The following SERPIND1 variants were observed in gnomAD, a reference collection of about 807,000 sequenced individuals.
SERPIND1 encodes the protein serpin family D member 1, also known as heparin cofactor 2.
SERPIND1 carries 34 observed loss-of-function variants against 35.0 expected under a neutral mutation model. The ratio of observed to expected loss-of-function variants is 0.97; its 90% confidence interval spans 0.74 to 1.29. The LOEUF (loss-of-function observed/expected upper bound fraction) is 1.29, where lower values mean the gene tolerates loss of function less well. Ranked by LOEUF, SERPIND1 falls within the 50% of genes most tolerant of loss-of-function variation. The probability of loss-of-function intolerance (pLI) is 0.00; values close to 1 mark genes in which losing one functional copy is unlikely to be tolerated. For missense variants in SERPIND1, 633 were observed against 637.7 expected (o/e 0.99, Z 0.08); for synonymous variants, 236 against 241.1 (o/e 0.98, Z 0.19).
At position 20,779,435 on chromosome 22, in the gene SERPIND1, G is replaced by C; in HGVS notation, c.123G>C (p.Gln41His). 6.2e-7 allele frequency: 1 copy of C among 1,614,232 alleles called. No individual in the cohort carries two copies. The highest frequency in any genetic ancestry group is 8.5e-7 in the Non-Finnish European group (1 of 1,180,030). ...AAACTGCTCAGTCTGCAGATCCCCA[G>C]TGGGAGCAGTTAAATAACAAAAACC... Reference protein sequence around the residue: ...GGETAQSADPQWEQLNNKNLS... With the variant: ...GGETAQSADPHWEQLNNKNLS... Residue 41 changes from glutamine to histidine, a missense_variant, in exon 2 of 5, where the codon CAG (glutamine) becomes CAC (histidine). Coordinates refer to ENST00000215727, the MANE Select transcript of SERPIND1 (RefSeq NM_000185.4).
Position 20,779,686 on chromosome 22 carries a change from G to T in SERPIND1, c.374G>T (p.Arg125Leu), listed in dbSNP as rs764489942. 4 of 1,614,218 alleles carry T rather than the reference G, an allele frequency of 2.5e-6. No homozygotes were observed. Among genetic ancestry groups the T allele is most frequent in the Non-Finnish European group, 3.4e-6 (4 of 1,180,020 alleles). ...TTTCATGGCAAGAGCCGGATCCAGC[G>T]TCTTAACATCCTCAACGCCAAGTTC... ...QLFHGKSRIQRLNILNAKFAF... is the reference protein window; with the variant it reads ...QLFHGKSRIQLLNILNAKFAF... The change falls in exon 2 of 5, where the codon CGT becomes CTT. Residue 125 changes from arginine (R) to leucine (L), a missense_variant. Physicochemically the swap from Arg to Leu is moderately radical, Grantham distance 102 (BLOSUM62 -2). Transcript: ENST00000215727.
At chr22:20,777,282 T>C (rs1037853841) in intron 1 of SERPIND1, among the ~76,000 whole-genome samples, 4 of 151,950 alleles carry the variant, frequency 2.6e-5, no homozygotes, top group African/African-American at 9.6e-5. Context: ...AATGGTGCGA[T>C]CTTGGCTCAC....
At chr22:20,777,183 C>G (rs964771326) in intron 1 of SERPIND1, among the ~76,000 whole-genome samples, 1 of 151,578 alleles carries the variant, frequency 6.6e-6, no homozygotes, top group African/African-American at 2.4e-5. Flanking sequence ...GGACCACAGG[C>G]GTGTGCCATC....
intron 1 of SERPIND1, chr22:20,779,094 T>A: frequency 8.2e-7 from 1 of 1,217,144 alleles, no homozygotes; most frequent in Non-Finnish European, 1.1e-6. Context: ...AGATCCTTCA[T>A]TGAGGTTTAT....
intron 3 of SERPIND1, 39 bp from the exon 4 acceptor site, chr22:20,785,965 G>T: frequency 1.9e-6 from 3 of 1,613,974 alleles, no homozygotes; most frequent in Non-Finnish European, 2.5e-6. Flanking sequence ...GTAACTTGTG[G>T]TTCAATAAAA....
chr22:20,779,604 A>G lies in SERPIND1; in HGVS notation c.292A>G (p.Ser98Gly), dbSNP rs1933593763. 1.2e-6 allele frequency: 2 copies of G among 1,614,072 alleles called. No individual in the cohort carries two copies. The highest frequency in any genetic ancestry group is 1.1e-5 in the South Asian group (1 of 91,096). Residue 98 changes from serine (S) to glycine (G), a missense_variant, in exon 2 of 5, where the codon AGT (serine) becomes GGT (glycine). By Grantham distance (56) the Ser-to-Gly change is moderately conservative. Coordinates refer to ENST00000215727, the MANE Select transcript of SERPIND1 (RefSeq NM_000185.4). The stretch of plus-strand genomic sequence containing the variant: ...CGACGACTACATCGACATCGTCGAC[A>G]GTCTGTCAGTTTCCCCGACAGACTC... ...EDDDYIDIVD[S>G]LSVSPTDSDV...
At chr22:20,786,745 C>A in intron 4 of SERPIND1, 130 bp from the exon 5 acceptor site, 1 of 948,614 alleles carries the variant, frequency 1.1e-6, no homozygotes, top group Non-Finnish European at 1.7e-6. Flanking sequence ...AAGAGTGACT[C>A]TGACCAGCTG....
chr22:20,783,261 G>A (rs1204639204), intron 2 of SERPIND1, among the ~76,000 whole-genome samples: 1 of 152,102 alleles, frequency 6.6e-6, no homozygotes, highest in Non-Finnish European at 1.5e-5. Context: ...CAAATGTCTT[G>A]TTAGTCACTA....
In SERPIND1 at chr22:20,779,838, C is replaced by A; in HGVS notation, c.526C>A (p.Gln176Lys). ...AGGTCTGAAGGGAGAGACCCATGAACAAGTGCACTCGATTTTGCATTTTAA... is the reference window on the plus strand; with the variant it reads ...AGGTCTGAAGGGAGAGACCCATGAAAAAGTGCACTCGATTTTGCATTTTAA... Reference protein sequence around the residue: ...SLGLKGETHEQVHSILHFKDF... With the variant: ...SLGLKGETHEKVHSILHFKDF... Residue 176 changes from glutamine to lysine, a missense_variant, in exon 2 of 5, where the codon CAA becomes AAA. Transcript: ENST00000215727. 1.2e-6 allele frequency: 2 copies of A among 1,614,214 alleles called. No homozygotes were observed. Among genetic ancestry groups the A allele is most frequent in the African/African-American group, 2.7e-5 (2 of 75,046 alleles).
At chr22:20,782,727 C>G (rs1933894252) in intron 2 of SERPIND1, among the ~76,000 whole-genome samples, 1 of 152,172 alleles carries the variant, frequency 6.6e-6, no homozygotes, top group Non-Finnish European at 1.5e-5. Context: ...TTACTGGTAT[C>G]TAGAAGGGGG....
Position 20,779,369 on chromosome 22 carries a change from T to C in SERPIND1, c.57T>C (p.Gly19=). Residue 19 remains glycine, a synonymous_variant, in exon 2 of 5, where the codon GGT becomes GGC. Transcript: ENST00000215727. ...LIFLIITSAW[G]GSKGPLDQLE... is the part of the protein sequence containing the mutation. ...TCCTCATCATAACATCTGCGTGGGG[T>C]GGGAGCAAAGGCCCGCTGGATCAGC... 1.2e-6 allele frequency: 2 copies of C among 1,614,120 alleles called. No individual in the cohort carries two copies. Among genetic ancestry groups the C allele is most frequent in the South Asian group, 1.1e-5 (1 of 91,076 alleles).
Position 20,779,820 on chromosome 22 carries a change from A to T in SERPIND1, c.508A>T (p.Lys170Ter). 1 of 1,614,234 alleles carries T rather than the reference A, an allele frequency of 6.2e-7. No homozygotes were observed. The highest frequency in any genetic ancestry group is 8.5e-7 in the Non-Finnish European group (1 of 1,180,044). ...GATGGGTATGATTTCCTTAGGTCTG[A>T]AGGGAGAGACCCATGAACAAGTGCA... ...TAMGMISLGLKGETHEQVHSI... is the reference protein window; with the variant it reads ...TAMGMISLGL The change falls in exon 2 of 5, where the codon AAG (lysine) becomes TAG (stop). Residue 170 changes from lysine (K) to a stop codon, truncating the protein, a stop_gained. Transcript: ENST00000215727. LOFTEE classifies it high-confidence loss of function.
At chr22:20,774,352 C>A (rs1933073008) in intron 1 of SERPIND1, among the ~76,000 whole-genome samples, 1 of 152,112 alleles carries the variant, frequency 6.6e-6, no homozygotes, top group Non-Finnish European at 1.5e-5. Context: ...AGAATAGGAG[C>A]TGTGGAATAG....
Position 20,787,417 on chromosome 22 carries a change from C to A in SERPIND1, c.*351C>A. 1 of 364,494 alleles carries A rather than the reference C, an allele frequency of 2.7e-6. No homozygotes were observed. The highest frequency in any genetic ancestry group is 2.3e-5 in the South Asian group (1 of 44,192). The allele number at this position is 364,494 out of a possible 1,614,324, so 22.6% of individuals were successfully genotyped here. A position where few individuals can be genotyped will look rare whatever the true frequency, so the allele number is the denominator to read the frequency against. On this transcript the variant is annotated 3_prime_UTR_variant, in exon 5 of 5. Transcript: ENST00000215727. ...GCACACCTGACTCTGTCACTCAAGC[C>A]TTTCTCCACCAGGCCCCTCATCTGA...
rs200639976 is a variant in SERPIND1, at chr22:20,777,043, G to T, written c.-16-2254G>T. 1.6e-3 allele frequency among the ~76,000 whole-genome samples: 233 copies of T among 148,640 alleles called. 1 individual carries two copies. The highest frequency in any genetic ancestry group is 6.8e-3 in the Middle Eastern group (2 of 292). ...GCTTAACAAAAGGCAGTTTTTTTTT[G>T]TTTTTTTTTTGTTTTCTGTTTTTTG... On this transcript the variant is annotated intron_variant, in intron 1 of 4. Transcript: ENST00000215727.
rs1390998914 is a variant in SERPIND1, at chr22:20,779,328, A to G, written c.16A>G (p.Asn6Asp). The change falls in exon 2 of 5, where the codon AAC (asparagine) becomes GAC (aspartate). Residue 6 changes from asparagine (N) to aspartate (D), a missense_variant. Asn to Asp is a conservative substitution (Grantham distance 23). Transcript: ENST00000215727. ...CTCCGCCAAAATGAAACACTCATTA[A>G]ACGCACTTCTCATTTTCCTCATCAT... MKHSL[N>D]ALLIFLIITS... 4 of 1,614,218 alleles carry G rather than the reference A, an allele frequency of 2.5e-6. No homozygotes were observed. The highest frequency in any genetic ancestry group is 3.4e-6 in the Non-Finnish European group (4 of 1,180,038).
In SERPIND1 at chr22:20,787,161, T is replaced by C; in HGVS notation, c.*95T>C. 1 of 1,114,566 alleles carries C rather than the reference T, an allele frequency of 9.0e-7. No individual in the cohort carries two copies. The highest frequency in any genetic ancestry group is 1.4e-6 in the Non-Finnish European group (1 of 738,472). 69.0% of individuals were successfully genotyped at this position (1,114,566 alleles called of 1,614,324 possible). On this transcript the variant is annotated 3_prime_UTR_variant, in exon 5 of 5. Transcript: ENST00000215727. ...CAGAGATGTTCTGGCATCATTTACGTAGTTTACGCTACCAATCTGAATTCG... is the reference window on the plus strand; with the variant it reads ...CAGAGATGTTCTGGCATCATTTACGCAGTTTACGCTACCAATCTGAATTCG...
chr22:20,778,075 T>C (rs992763611), intron 1 of SERPIND1, among the ~76,000 whole-genome samples: 9 of 152,164 alleles, frequency 5.9e-5, no homozygotes, highest in Non-Finnish European at 1.3e-4. Context: ...GTGGGAGCTA[T>C]TGTCTAAGAG....
intron 2 of SERPIND1, among the ~76,000 whole-genome samples, chr22:20,780,666 C>A (rs1933707184): frequency 6.6e-6 from 1 of 151,030 alleles, no homozygotes. Flanking sequence ...CTCCCAGCTA[C>A]TTGGGAGGCT....
Sources: gnomAD v4.1 joint callset for allele counts (sites outside exome capture counted in the v4.1 genomes callset) on GRCh38, gnomAD v4.1.1 for gene constraint, MANE v1.5 for transcripts, NCBI Gene and HGNC (gene_info 2026-07-23, HGNC 2026-07-21) for gene names.